PHYH: variants seen among roughly 807,000 people sequenced by gnomAD.
PHYH encodes phytanoyl-CoA 2-hydroxylase, also known as phytanoyl-CoA dioxygenase, peroxisomal.
In PHYH, 32 loss-of-function variants were observed where a neutral mutation model predicts 38.5. The ratio of observed to expected loss-of-function variants is 0.83; its 90% CI spans 0.63 to 1.12. The LOEUF (loss-of-function observed/expected upper bound fraction) is 1.12, where lower values mean the gene tolerates loss of function less well. Ranked by LOEUF, PHYH falls within the 50% of genes most tolerant of loss-of-function variation. The probability of loss-of-function intolerance (pLI) is 0.00; values close to 1 mark genes in which losing one functional copy is unlikely to be tolerated. For synonymous variants in PHYH, 166 were observed against 157.9 expected, an observed-to-expected ratio of 1.05 and a Z score of -0.38; for missense variants, 426 against 434.8, an observed-to-expected ratio of 0.98 and a Z score of 0.18.
Position 13,283,840 on chromosome 10 carries a change from CT to C in PHYH, c.679-2del. ...CGTGGAACATTTTGTTAACTCCCCC[CT>C]AGAACAAGAGGCAAGTGAAGTCTAC... On this transcript the variant is annotated splice_acceptor_variant, in intron 6 of 8. Coordinates refer to ENST00000263038, the MANE Select transcript of PHYH (RefSeq NM_006214.4). LOFTEE classifies it high-confidence loss of function. 6.2e-7 allele frequency: 1 copy of C among 1,613,580 alleles called. No homozygotes were observed. The highest frequency in any genetic ancestry group is 8.5e-7 in the Non-Finnish European group (1 of 1,179,540).
chr10:13,280,049 A>G (rs1175615286), intron 8 of PHYH, among the ~76,000 whole-genome samples: 1 of 151,034 alleles, frequency 6.6e-6, no homozygotes, highest in Admixed American at 6.6e-5. Context: ...GCTCACTGCA[A>G]GCTCCGCCTC....
In PHYH at chr10:13,292,947, A is replaced by G. The variant is rs1018732121; in HGVS notation, c.415-1035T>C. Reference sequence around the variant, plus strand: ...AGACTCTGTCTCAAAAAAAAAAAAAAAAAAGAAGAAGAAGAAGAAAATAAA... The same window carrying G: ...AGACTCTGTCTCAAAAAAAAAAAAAGAAAAGAAGAAGAAGAAGAAAATAAA... On this transcript the variant is annotated intron_variant, in intron 4 of 8. Transcript: ENST00000263038. Among the ~76,000 whole-genome samples the G allele has an allele frequency of 9.6e-4, 146 of 151,694 alleles. 1 individual carries two copies. Among genetic ancestry groups the G allele is most frequent in the Non-Finnish European group, 1.6e-3 (106 of 67,906 alleles).
chr10:13,293,451 G>A (rs1835761461), intron 4 of PHYH, among the ~76,000 whole-genome samples: 2 of 151,816 alleles, frequency 1.3e-5, no homozygotes, highest in South Asian at 2.1e-4. Context: ...ACAGGCGCCC[G>A]CCACCATGCC....
At position 13,278,361 on chromosome 10, in the gene PHYH, A is replaced by G; in HGVS notation, c.964-7T>C. The G allele has an allele frequency of 1.2e-6, 2 of 1,607,012 alleles. No individual in the cohort carries two copies. Among genetic ancestry groups the G allele is most frequent in the South Asian group, 1.1e-5 (1 of 90,952 alleles). On this transcript the variant is annotated splice_region_variant and splice_polypyrimidine_tract_variant and intron_variant, in intron 8 of 8. Transcript: ENST00000263038. ...CTCGAAACATCCAAATATCCTGGAA[A>G]TAATATCAAACAGAGTGGGTTTATG...
chr10:13,282,979 C>T (rs1449924827), intron 7 of PHYH, among the ~76,000 whole-genome samples: 4 of 141,136 alleles, frequency 2.8e-5, no homozygotes, highest in South Asian at 2.2e-4. Context: ...CCTCAGGAGA[C>T]AACAGTGATT....
At position 13,278,275 on chromosome 10, in the gene PHYH, TGAAA is replaced by T. The variant is rs1835335245; in HGVS notation, c.*22_*25del. ...ATTTCGTTTGGTTTTGGTTTTCTGT[TGAAA>T]GAGTTATAGCAGATGGCTATTTCAA... On this transcript the variant is annotated 3_prime_UTR_variant, in exon 9 of 9. Transcript: ENST00000263038. The T allele has an allele frequency of 1.3e-6, 2 of 1,559,064 alleles. No individual in the cohort carries two copies. Among genetic ancestry groups the T allele is most frequent in the Non-Finnish European group, 8.9e-7 (1 of 1,129,818 alleles).
chr10:13,299,764 C>G, intron 1 of PHYH: 1 of 1,310,450 alleles, frequency 7.6e-7, no homozygotes, highest in Non-Finnish European at 9.7e-7. Flanking sequence ...AGGGCGGCCG[C>G]GCGTGTCCTC....
At chr10:13,291,746 TG>T in intron 5 of PHYH, 84 bp downstream of exon 5, 3 of 883,026 alleles carry the variant, frequency 3.4e-6, no homozygotes, top group Non-Finnish European at 5.7e-6. Context: ...CCTAAAATGC[TG>T]GGATTACAGG....
chr10:13,294,852 T>A, intron 3 of PHYH: 1 of 499,016 alleles, frequency 2.0e-6, no homozygotes, highest in South Asian at 2.1e-5. Flanking sequence ...GTAATAATAA[T>A]AACAGCAAAC....
At chr10:13,288,889 A>G (rs1835628760) in intron 5 of PHYH, among the ~76,000 whole-genome samples, 1 of 140,886 alleles carries the variant, frequency 7.1e-6, no homozygotes, top group Admixed American at 7.9e-5. Context: ...AGCCTGGGTG[A>G]CAGAGAGCGA....
intron 6 of PHYH, among the ~76,000 whole-genome samples, chr10:13,287,244 C>T (rs1835575284): frequency 6.6e-6 from 1 of 152,056 alleles, no homozygotes; most frequent in Non-Finnish European, 1.5e-5. Flanking sequence ...GAGTCTGAGG[C>T]AGGAGAATCA....
At chr10:13,290,617 A>G (rs1334816471) in intron 5 of PHYH, among the ~76,000 whole-genome samples, 1 of 152,076 alleles carries the variant, frequency 6.6e-6, no homozygotes, top group Non-Finnish European at 1.5e-5. Flanking sequence ...CAATCTCTGG[A>G]CTTGAACTCC....
chr10:13,292,727 G>A (rs1437416087), intron 4 of PHYH, among the ~76,000 whole-genome samples: 1 of 152,098 alleles, frequency 6.6e-6, no homozygotes, highest in Non-Finnish European at 1.5e-5. Context: ...GAGGTCAGGA[G>A]TTCAAAACCA....
intron 7 of PHYH, among the ~76,000 whole-genome samples, chr10:13,281,430 A>G (rs1039728123): frequency 2.6e-5 from 4 of 151,208 alleles, no homozygotes; most frequent in Non-Finnish European, 4.4e-5. Context: ...TTATTTTCCT[A>G]ATGAATGAAT....
chr10:13,283,096 C>A (rs1248881281), intron 7 of PHYH, among the ~76,000 whole-genome samples: 1 of 150,562 alleles, frequency 6.6e-6, no homozygotes, highest in Non-Finnish European at 1.5e-5. Context: ...GCTGGAATTA[C>A]AGGCATGAGC....
intron 6 of PHYH, among the ~76,000 whole-genome samples, chr10:13,285,257 C>T (rs994169433): frequency 1.3e-4 from 19 of 151,950 alleles, no homozygotes; most frequent in Middle Eastern, 3.2e-3. Flanking sequence ...GATCTCAGCT[C>T]ACTGCAACCT....
intron 4 of PHYH, among the ~76,000 whole-genome samples, chr10:13,292,295 G>A (rs1032411206): frequency 2.0e-5 from 3 of 152,184 alleles, no homozygotes; most frequent in Admixed American, 6.5e-5. Context: ...ACAATTCACA[G>A]CTGTCATGAA....
chr10:13,282,119 T>C (rs932206311), intron 7 of PHYH, among the ~76,000 whole-genome samples: 1 of 152,028 alleles, frequency 6.6e-6, no homozygotes, highest in Non-Finnish European at 1.5e-5. Context: ...GGTGTGGTCA[T>C]GCATGCCTGT....
chr10:13,284,490 T>G (rs1315606987), intron 6 of PHYH, among the ~76,000 whole-genome samples: 1 of 152,090 alleles, frequency 6.6e-6, no homozygotes, highest in Non-Finnish European at 1.5e-5. Context: ...ACCACCTATC[T>G]CTTGGGCATT....
Sources: gnomAD v4.1 joint callset for allele counts (sites outside exome capture counted in the v4.1 genomes callset) on GRCh38, gnomAD v4.1.1 for gene constraint, MANE v1.5 for transcripts, NCBI Gene and HGNC (gene_info 2026-07-23, HGNC 2026-07-21) for gene names.